Variants in AGBL1 observed in about 807,000 individuals in gnomAD.
AGBL1 encodes the protein AGBL carboxypeptidase 1.
In AGBL1, 130 loss-of-function variants were observed where a neutral mutation model predicts 118.9. The observed-to-expected ratio is 1.09, with a 90% CI of 0.95 to 1.26. The LOEUF (loss-of-function observed/expected upper bound fraction) is 1.26. Among genes scored for constraint, AGBL1 ranks in the 50% most tolerant of loss-of-function variants. The probability of loss-of-function intolerance (pLI) is 0.00; values close to 1 mark genes in which losing one functional copy is unlikely to be tolerated. For synonymous variants in AGBL1, 555 were observed against 478.9 expected, an observed-to-expected ratio of 1.16 and a Z score of -2.08; for missense variants, 1,584 against 1,298.1, an observed-to-expected ratio of 1.22 and a Z score of -3.38.
intron 23 of AGBL1, among the ~76,000 whole-genome samples, chr15:86,972,592 G>A (rs1353505489): frequency 6.6e-6 from 1 of 151,880 alleles, no homozygotes; most frequent in Non-Finnish European, 1.5e-5. Flanking sequence ...TTACATAGAT[G>A]CACTGAGCTT....
At chr15:86,792,025 T>C (rs938169536) in intron 22 of AGBL1, among the ~76,000 whole-genome samples, 2 of 152,160 alleles carry the variant, frequency 1.3e-5, no homozygotes, top group Non-Finnish European at 2.9e-5. Flanking sequence ...CATGAGCCAC[T>C]GCACCGGCCT....
At chr15:86,340,026 C>T (rs12595085) in intron 17 of AGBL1, among the ~76,000 whole-genome samples, 1 of 152,002 alleles carries the variant, frequency 6.6e-6, no homozygotes, top group Admixed American at 6.5e-5. Context: ...TGCCAAGGAC[C>T]TTTTTAATTT....
chr15:86,257,919 G>A, intron 8 of AGBL1, 45 bp from the exon 9 acceptor site: 1 of 1,589,880 alleles, frequency 6.3e-7, no homozygotes, highest in Non-Finnish European at 8.6e-7. Context: ...TAAATCCCGG[G>A]CAAAGGGGAA....
chr15:86,609,043 T>C (rs950226334), intron 21 of AGBL1, among the ~76,000 whole-genome samples: 1 of 152,176 alleles, frequency 6.6e-6, no homozygotes, highest in African/African-American at 2.4e-5. Flanking sequence ...CGTGACTTTT[T>C]TGCTTCCAAA....
intron 22 of AGBL1, among the ~76,000 whole-genome samples, chr15:86,741,946 A>T (rs1360558970): frequency 6.6e-6 from 1 of 151,502 alleles, no homozygotes. Context: ...CTTCAGATCT[A>T]GGTCCATATT....
intron 23 of AGBL1, among the ~76,000 whole-genome samples, chr15:86,924,035 T>G (rs896046752): frequency 2.6e-5 from 4 of 152,218 alleles, no homozygotes; most frequent in Non-Finnish European, 5.9e-5. Flanking sequence ...TACGTGTCAA[T>G]TATTTTACTT....
At position 86,082,471 on chromosome 15, in the gene AGBL1, A is replaced by G. The variant is rs114905319; in HGVS notation, c.51+2448A>G. On this transcript the variant is annotated intron_variant, in intron 1 of 22. Transcript: ENST00000614907. ...GGTCTCAGTTCCCATGTCTTTTAGG[A>G]GTGCCCCAAAAGGTTGCCAAGGGAA... is the stretch of plus-strand genomic sequence containing the variant. 5.8e-3 allele frequency among the ~76,000 whole-genome samples: 882 copies of G among 152,322 alleles called. 14 individuals are homozygous for G. Among genetic ancestry groups the G allele is most frequent in the African/African-American group, 0.02 (828 of 41,560 alleles).
intron 1 of AGBL1, among the ~76,000 whole-genome samples, chr15:86,134,404 T>C (rs1381245106): frequency 6.6e-6 from 1 of 152,142 alleles, no homozygotes; most frequent in Admixed American, 6.5e-5. Context: ...AATAGAATGT[T>C]ATGGGCTTGT....
intron 22 of AGBL1, among the ~76,000 whole-genome samples, chr15:86,841,473 T>A (rs1258737141): frequency 6.6e-6 from 1 of 152,248 alleles, no homozygotes; most frequent in Admixed American, 6.5e-5. Flanking sequence ...TTTTTTAATT[T>A]ATTTTTTAAT....
intron 22 of AGBL1, among the ~76,000 whole-genome samples, chr15:86,692,390 G>C (rs1014073096): frequency 6.6e-6 from 1 of 151,994 alleles, no homozygotes; most frequent in African/African-American, 2.4e-5. Context: ...GAAGTGGGAA[G>C]TTAGTATCAC....
chr15:86,829,579 T>A (rs1733247243), intron 22 of AGBL1, among the ~76,000 whole-genome samples: 2 of 152,168 alleles, frequency 1.3e-5, no homozygotes, highest in South Asian at 4.2e-4. Flanking sequence ...AGTAGAACTA[T>A]TTGGTCATTT....
At chr15:87,010,005 G>A (rs2081542207) in intron 24 of AGBL1, among the ~76,000 whole-genome samples, 1 of 152,182 alleles carries the variant, frequency 6.6e-6, no homozygotes. Flanking sequence ...TTGAGTTAAT[G>A]CTGAAATGAG....
rs561235653 is a variant in AGBL1, at chr15:86,177,015, G to C, written c.488+17989G>C. Reference sequence around the variant, plus strand: ...CTCAGAGATTCCCTGGGTGCCTCCAGGTAGCCATCTTGAAGTCTCTCCACT... The same window carrying C: ...CTCAGAGATTCCCTGGGTGCCTCCACGTAGCCATCTTGAAGTCTCTCCACT... On this transcript the variant is annotated intron_variant, in intron 5 of 22. Transcript: ENST00000614907. 3.9e-5 allele frequency among the ~76,000 whole-genome samples: 6 copies of C among 152,194 alleles called. No homozygotes were observed. The South Asian group carries it at 1.2e-3, about 32-fold the overall frequency.
intron 17 of AGBL1, among the ~76,000 whole-genome samples, chr15:86,393,455 C>CA (rs2141984250): frequency 6.6e-6 from 1 of 152,162 alleles, no homozygotes; most frequent in South Asian, 2.1e-4. Context: ...GAACATAGTT[C>CA]AAAAATCACA....
chr15:86,371,799 C>T (rs369850491), intron 17 of AGBL1, among the ~76,000 whole-genome samples: 2 of 152,134 alleles, frequency 1.3e-5, no homozygotes, highest in South Asian at 2.1e-4. Context: ...AAGGCAACAA[C>T]GCTGCCTCTT....
intron 22 of AGBL1, among the ~76,000 whole-genome samples, chr15:86,706,280 C>T (rs2086448438): frequency 6.6e-6 from 1 of 151,710 alleles, no homozygotes; most frequent in Non-Finnish European, 1.5e-5. Context: ...TTTGAAAAAT[C>T]CCAAGGGGTT....
chr15:86,388,555 A>G (rs1658958049), intron 17 of AGBL1, among the ~76,000 whole-genome samples: 1 of 152,128 alleles, frequency 6.6e-6, no homozygotes, highest in East Asian at 1.9e-4. Flanking sequence ...TCCCAAATCC[A>G]TTCAATCAGT....
intron 3 of AGBL1, among the ~76,000 whole-genome samples, chr15:86,145,124 A>G (rs942422159): frequency 6.6e-6 from 1 of 152,178 alleles, no homozygotes; most frequent in African/African-American, 2.4e-5. Context: ...TAAGGACATC[A>G]GTCATAGGAT....
At chr15:86,209,199 G>A (rs929379706) in intron 5 of AGBL1, among the ~76,000 whole-genome samples, 1 of 152,124 alleles carries the variant, frequency 6.6e-6, no homozygotes, top group Non-Finnish European at 1.5e-5. Context: ...TGTGATTTCT[G>A]TTCTTTTACA....
Sources: allele counts gnomAD v4.1 joint callset (sites outside exome capture counted in the v4.1 genomes callset), GRCh38; gene constraint gnomAD v4.1.1; transcripts MANE v1.5; gene names NCBI Gene and HGNC (gene_info 2026-07-23, HGNC 2026-07-21).